The following TTLL5 variants were observed in gnomAD, a reference collection of about 807,000 sequenced individuals.
TTLL5 encodes tubulin polyglutamylase TTLL5.
In TTLL5, 132 loss-of-function variants were observed where a neutral mutation model predicts 168.4. The ratio of observed to expected loss-of-function variants is 0.78; its 90% CI spans 0.68 to 0.91. The LOEUF (loss-of-function observed/expected upper bound fraction) is 0.91. Among genes scored for constraint, TTLL5 ranks in the 40% least tolerant of loss-of-function variants. The pLI is 0.00. For missense variants in TTLL5, 1,545 were observed against 1,581.5 expected (o/e 0.98, Z 0.39); for synonymous variants, 546 against 558.6 (o/e 0.98, Z 0.32).
intron 15 of TTLL5, chr14:75,737,711 A>G (rs1888996915): frequency 8.3e-7 from 1 of 1,204,340 alleles, no homozygotes; most frequent in East Asian, 2.5e-5. Context: ...TTATGTACCT[A>G]TTTTTTTGCG....
At chr14:75,810,257 C>CTA (rs1288139713) in intron 27 of TTLL5, among the ~76,000 whole-genome samples, 7 of 152,128 alleles carry the variant, frequency 4.6e-5, no homozygotes, top group African/African-American at 1.7e-4. Context: ...GGAAATTGAG[C>CTA]TATGGCAAGA....
chr14:75,812,841 A>T (rs1281645464), intron 27 of TTLL5, among the ~76,000 whole-genome samples: 1 of 152,080 alleles, frequency 6.6e-6, no homozygotes, highest in African/African-American at 2.4e-5. Flanking sequence ...TGAAAATGCA[A>T]ATTTTGGTTC....
rs79752869 is a variant in TTLL5 at position 75,826,032 on chromosome 14, G to A, written c.3326+5871G>A. On this transcript the variant is annotated intron_variant, in intron 28 of 31. Coordinates refer to ENST00000298832, the MANE Select transcript of TTLL5 (RefSeq NM_015072.5). ...ATTGGCTTCTGCCTAATAAAGGAACGTTGGGAAGCTTAGGAAATCTGTCAA... is the reference window on the plus strand; with the variant it reads ...ATTGGCTTCTGCCTAATAAAGGAACATTGGGAAGCTTAGGAAATCTGTCAA... Among the ~76,000 whole-genome samples the A allele has an allele frequency of 2.4e-3, 358 of 152,044 alleles. 1 individual carries two copies. Among genetic ancestry groups the A allele is most frequent in the South Asian group, 7.1e-3 (34 of 4,808 alleles).
chr14:75,903,284 G>GTGTGGACGAGTC (rs2033003766), intron 31 of TTLL5, among the ~76,000 whole-genome samples: 1 of 152,096 alleles, frequency 6.6e-6, no homozygotes, highest in Non-Finnish European at 1.5e-5. Context: ...TGACACTGGA[G>GTGTGGACGAGTC]TGTGGACGAG....
chr14:75,722,780 T>C (rs528641181), intron 12 of TTLL5, among the ~76,000 whole-genome samples: 23 of 152,280 alleles, frequency 1.5e-4, no homozygotes, highest in African/African-American at 4.8e-4. Context: ...CTTCCCCAAA[T>C]ACTGGGCTTA....
chr14:75,839,550 C>T (rs746453899), intron 28 of TTLL5, among the ~76,000 whole-genome samples: 5 of 152,132 alleles, frequency 3.3e-5, no homozygotes, highest in Non-Finnish European at 5.9e-5. Context: ...CTTCACAGGG[C>T]GGCAGGAGAG....
intron 29 of TTLL5, among the ~76,000 whole-genome samples, chr14:75,875,400 T>G (rs1418765290): frequency 6.7e-6 from 1 of 149,210 alleles, no homozygotes; most frequent in Non-Finnish European, 1.5e-5. Flanking sequence ...AATACAAAAA[T>G]TAGCTGCGTG....
intron 3 of TTLL5, among the ~76,000 whole-genome samples, chr14:75,680,435 G>A (rs1884510125): frequency 6.6e-6 from 1 of 152,060 alleles, no homozygotes; most frequent in African/African-American, 2.4e-5. Flanking sequence ...AGTTGTATAC[G>A]AATTCTTTCC....
chr14:75,933,627 T>A (rs1032360494), intron 31 of TTLL5, among the ~76,000 whole-genome samples: 1 of 152,224 alleles, frequency 6.6e-6, no homozygotes, highest in Non-Finnish European at 1.5e-5. Context: ...CTCCAAGTTG[T>A]GGTTGTTGGC....
chr14:75,886,788 A>C (rs2032147854), intron 30 of TTLL5: 4 of 1,593,668 alleles, frequency 2.5e-6, no homozygotes, highest in Non-Finnish European at 2.5e-6. Context: ...ACAAACAACT[A>C]CATGCATCTG....
chr14:75,892,760 T>A (rs534572431), intron 30 of TTLL5, among the ~76,000 whole-genome samples: 1 of 152,208 alleles, frequency 6.6e-6, no homozygotes, highest in African/African-American at 2.4e-5. Context: ...TGTCTTTATA[T>A]GAGACTATGG....
intron 30 of TTLL5, among the ~76,000 whole-genome samples, chr14:75,889,519 A>G (rs1274224616): frequency 6.6e-6 from 1 of 152,146 alleles, no homozygotes; most frequent in Non-Finnish European, 1.5e-5. Context: ...ACCACTTTAC[A>G]ATAAAATGAG....
rs1201862659 is a variant in TTLL5, at chr14:75,914,017, G to GAAAAAAAAAAAAAA, written c.3823+11797_3823+11810dup. ...GCGACAGAGGAAGACTGTTTAAAAGGAAAAAAAAAAAAAAAAATATATATA... is the reference window on the plus strand; with the variant it reads ...GCGACAGAGGAAGACTGTTTAAAAGGAAAAAAAAAAAAAAAAAAAAAAAAAAAAAAATATATATA... On this transcript the variant is annotated intron_variant, in intron 31 of 31. Transcript: ENST00000298832. 3.9e-4 allele frequency among the ~76,000 whole-genome samples: 12 copies of GAAAAAAAAAAAAAA among 31,048 alleles called. 2 individuals carry two copies. Among genetic ancestry groups the GAAAAAAAAAAAAAA allele is most frequent in the South Asian group, 1.4e-3 (1 of 726 alleles). 20.4% of individuals were successfully genotyped at this position (31,048 alleles called of 152,430 possible).
At chr14:75,928,256 T>C (rs1300023752) in intron 31 of TTLL5, among the ~76,000 whole-genome samples, 1 of 150,510 alleles carries the variant, frequency 6.6e-6, no homozygotes, top group Non-Finnish European at 1.5e-5. Context: ...CCAGTTCTTT[T>C]TGGCTCAAAC....
At chr14:75,831,611 G>A (rs922588691) in intron 28 of TTLL5, among the ~76,000 whole-genome samples, 4 of 152,116 alleles carry the variant, frequency 2.6e-5, no homozygotes, top group East Asian at 1.9e-4. Flanking sequence ...AAGTGGTTAC[G>A]TGTACTAGCT....
chr14:75,914,457 A>G (rs985461793), intron 31 of TTLL5, among the ~76,000 whole-genome samples: 3 of 152,124 alleles, frequency 2.0e-5, no homozygotes, highest in Non-Finnish European at 4.4e-5. Context: ...CTCAGAAGAT[A>G]AAATCTTCTA....
intron 29 of TTLL5, among the ~76,000 whole-genome samples, chr14:75,877,377 A>C (rs910147089): frequency 6.6e-6 from 1 of 152,202 alleles, no homozygotes; most frequent in Non-Finnish European, 1.5e-5. Context: ...TCCAAGTTGC[A>C]GTCTGTGTTC....
At chr14:75,908,020 G>C (rs1244402084) in intron 31 of TTLL5, among the ~76,000 whole-genome samples, 1 of 152,174 alleles carries the variant, frequency 6.6e-6, no homozygotes, top group Non-Finnish European at 1.5e-5. Context: ...AATCCACCCT[G>C]AACATTACAT....
intron 28 of TTLL5, among the ~76,000 whole-genome samples, chr14:75,842,288 C>G (rs1474707958): frequency 6.6e-6 from 1 of 152,200 alleles, no homozygotes; most frequent in African/African-American, 2.4e-5. Context: ...GTCTATTCCT[C>G]TGGACTGTCG....
Sources: allele counts gnomAD v4.1 joint callset (sites outside exome capture counted in the v4.1 genomes callset), GRCh38; gene constraint gnomAD v4.1.1; transcripts MANE v1.5; gene names NCBI Gene and HGNC (gene_info 2026-07-23, HGNC 2026-07-21).